The following CNTN4 variants were observed in gnomAD, a reference collection of about 807,000 sequenced individuals.
CNTN4 encodes contactin 4, also known as contactin-4.
CNTN4 carries 77 observed loss-of-function variants against 122.5 expected under a neutral mutation model. That is an observed-to-expected ratio of 0.63 (90% CI 0.52 to 0.76). CNTN4 has a LOEUF of 0.76. CNTN4 is among the 30% of genes least tolerant of loss of function. CNTN4 has a pLI of 0.00. For synonymous variants in CNTN4, 512 were observed against 447.0 expected, an observed-to-expected ratio of 1.15 and a Z score of -1.83; for missense variants, 1,256 against 1,259.1, an observed-to-expected ratio of 1.00 and a Z score of 0.04.
chr3:2,412,833 T>C (rs2047275316), intron 3 of CNTN4, among the ~76,000 whole-genome samples: 1 of 152,220 alleles, frequency 6.6e-6, no homozygotes, highest in African/African-American at 2.4e-5. Flanking sequence ...ACAGATATTC[T>C]ACTTGATATT....
At chr3:2,102,577 C>G (rs1443890940) in intron 2 of CNTN4, among the ~76,000 whole-genome samples, 1 of 152,180 alleles carries the variant, frequency 6.6e-6, no homozygotes, top group Non-Finnish European at 1.5e-5. Flanking sequence ...AAGTGTGATT[C>G]AGAGACCCAG....
intron 6 of CNTN4, among the ~76,000 whole-genome samples, chr3:2,753,739 T>C (rs1264241353): frequency 1.3e-5 from 2 of 152,232 alleles, no homozygotes; most frequent in African/African-American, 4.8e-5. Context: ...TTTGTTGCAT[T>C]AACAATCTTT....
At chr3:3,012,928 G>A (rs1172198822) in intron 14 of CNTN4, among the ~76,000 whole-genome samples, 10 of 151,732 alleles carry the variant, frequency 6.6e-5, no homozygotes, top group African/African-American at 1.7e-4. Context: ...AGACTGTGCC[G>A]TTGCACTCCA....
At chr3:2,835,445 C>T (rs1188947180) in intron 7 of CNTN4, among the ~76,000 whole-genome samples, 1 of 152,088 alleles carries the variant, frequency 6.6e-6, no homozygotes, top group Non-Finnish European at 1.5e-5. Context: ...AACATACATA[C>T]TTATGTATTT....
chr3:2,787,163 G>A (rs1367917564), intron 6 of CNTN4, among the ~76,000 whole-genome samples: 1 of 152,108 alleles, frequency 6.6e-6, no homozygotes, highest in Admixed American at 6.5e-5. Flanking sequence ...GATCACCTGA[G>A]GTCAGGAGTT....
chr3:2,325,962 G>A (rs1481978867), intron 2 of CNTN4, among the ~76,000 whole-genome samples: 1 of 152,168 alleles, frequency 6.6e-6, no homozygotes, highest in African/African-American at 2.4e-5. Flanking sequence ...GATACAGAGT[G>A]AAAAGAATAA....
intron 2 of CNTN4, among the ~76,000 whole-genome samples, chr3:2,181,045 T>G (rs1028766341): frequency 6.6e-6 from 1 of 152,112 alleles, no homozygotes; most frequent in Non-Finnish European, 1.5e-5. Context: ...GTTTTTAGTT[T>G]ATCAGTGAAA....
chr3:2,485,865 C>T (rs998714290), intron 3 of CNTN4, among the ~76,000 whole-genome samples: 4 of 152,262 alleles, frequency 2.6e-5, no homozygotes, highest in East Asian at 1.9e-4. Flanking sequence ...GATCAGCTCT[C>T]TGTAAAATGG....
intron 3 of CNTN4, among the ~76,000 whole-genome samples, chr3:2,402,379 C>T (rs1424811956): frequency 6.6e-6 from 1 of 151,964 alleles, no homozygotes; most frequent in Non-Finnish European, 1.5e-5. Context: ...GTCTTTTCCT[C>T]CTCCATCTCT....
intron 2 of CNTN4, among the ~76,000 whole-genome samples, chr3:2,160,265 G>A (rs1406997928): frequency 1.3e-5 from 2 of 152,054 alleles, no homozygotes; most frequent in African/African-American, 4.8e-5. Flanking sequence ...TAAAACCATC[G>A]TTTTACTGAA....
chr3:2,941,334 C>T (rs1391066671), intron 13 of CNTN4, among the ~76,000 whole-genome samples: 1 of 152,094 alleles, frequency 6.6e-6, no homozygotes, highest in Non-Finnish European at 1.5e-5. Flanking sequence ...GCTGTAAACA[C>T]CATGTGTGTA....
At chr3:2,883,459 A>T (rs2093935546) in intron 9 of CNTN4, among the ~76,000 whole-genome samples, 1 of 152,206 alleles carries the variant, frequency 6.6e-6, no homozygotes, top group Non-Finnish European at 1.5e-5. Flanking sequence ...GCCACAACTG[A>T]CATGACCACA....
Position 2,880,834 on chromosome 3 carries a change from C to G in CNTN4, c.653-2311C>G, listed in dbSNP as rs564017110. On this transcript the variant is annotated intron_variant, in intron 8 of 24. Coordinates refer to ENST00000418658, the MANE Select transcript of CNTN4 (RefSeq NM_175607.3). ...AACCGTTTAACTCTTGAGATTACAGCCTTGCTTGTAAAAGAAAGGGATAGA... is the reference window on the plus strand; with the variant it reads ...AACCGTTTAACTCTTGAGATTACAGGCTTGCTTGTAAAAGAAAGGGATAGA... Among the ~76,000 whole-genome samples the G allele has an allele frequency of 1.9e-4, 29 of 152,252 alleles. No individual in the cohort carries two copies. In the South Asian group the frequency reaches 6.0e-3, roughly 32 times the overall value.
intron 4 of CNTN4, among the ~76,000 whole-genome samples, chr3:2,591,607 G>T (rs543733606): frequency 1.9e-5 from 1 of 51,518 alleles, no homozygotes. Flanking sequence ...CTCGTGATCC[G>T]CCCGCCTCGG....
chr3:2,716,335 ATAT>A (rs141286870), intron 4 of CNTN4, among the ~76,000 whole-genome samples: 97 of 151,062 alleles, frequency 6.4e-4, no homozygotes, highest in Non-Finnish European at 1.1e-3. Context: ...GATATATCTA[ATAT>A]TATTATATTA....
intron 3 of CNTN4, among the ~76,000 whole-genome samples, chr3:2,474,638 C>CTTTATTTTGTTT (rs1559586711): frequency 6.6e-6 from 1 of 152,126 alleles, no homozygotes; most frequent in African/African-American, 2.4e-5. Flanking sequence ...CAGTCTCACA[C>CTTTATTTTGTTT]CCTATTAAGA....
chr3:2,834,803 A>G (rs2093181141), intron 7 of CNTN4, among the ~76,000 whole-genome samples: 1 of 151,922 alleles, frequency 6.6e-6, no homozygotes, highest in African/African-American at 2.4e-5. Flanking sequence ...TACCAACAAA[A>G]CAGATTTTAA....
chr3:2,765,262 G>A (rs566148360), intron 6 of CNTN4, among the ~76,000 whole-genome samples: 5 of 152,222 alleles, frequency 3.3e-5, no homozygotes, highest in East Asian at 1.9e-4. Context: ...CGTACTTGTC[G>A]TCACTGAGTT....
chr3:2,912,339 T>C (rs1486200141), intron 12 of CNTN4, among the ~76,000 whole-genome samples: 2 of 152,194 alleles, frequency 1.3e-5, no homozygotes, highest in Non-Finnish European at 2.9e-5. Context: ...CCGGTAAAAC[T>C]GTCCTTCCAA....
Sources: allele counts gnomAD v4.1 joint callset (sites outside exome capture counted in the v4.1 genomes callset), GRCh38; gene constraint gnomAD v4.1.1; transcripts MANE v1.5; gene names NCBI Gene and HGNC (gene_info 2026-07-23, HGNC 2026-07-21).